Variants in C8A observed in about 807,000 individuals in gnomAD.
The protein encoded by C8A is complement C8 alpha chain.
A neutral mutation model predicts 65.3 loss-of-function variants in C8A; 67 were observed. The observed-to-expected ratio is 1.03, with a 90% confidence interval of 0.84 to 1.26. The LOEUF (loss-of-function observed/expected upper bound fraction) is 1.26. Among genes scored for constraint, C8A ranks in the 50% most tolerant of loss-of-function variants. The pLI is 0.00. For synonymous variants in C8A, 290 were observed against 259.4 expected (o/e 1.12, Z -1.13); for missense variants, 781 against 723.9 (o/e 1.08, Z -0.90).
intron 7 of C8A, among the ~76,000 whole-genome samples, chr1:56,893,482 C>T (rs909655583): frequency 2.0e-5 from 3 of 152,088 alleles, no homozygotes; most frequent in Non-Finnish European, 2.9e-5. Flanking sequence ...TTTCTCTGAT[C>T]CTCAGTTTCT....
chr1:56,907,840 G>T, intron 8 of C8A, 116 bp from the exon 9 acceptor site: 1 of 1,235,262 alleles, frequency 8.1e-7, no homozygotes, highest in Non-Finnish European at 1.2e-6. Flanking sequence ...AAGAAGAATG[G>T]TAAACATCTA....
chr1:56,873,979 C>T (rs115759176), intron 2 of C8A, among the ~76,000 whole-genome samples: 23 of 152,106 alleles, frequency 1.5e-4, no homozygotes, highest in South Asian at 6.2e-4. Context: ...CCAAGATTGG[C>T]GTGCATTTTA....
chr1:56,896,000 TA>T (rs1644384725), intron 7 of C8A, among the ~76,000 whole-genome samples: 1 of 152,114 alleles, frequency 6.6e-6, no homozygotes, highest in Non-Finnish European at 1.5e-5. Flanking sequence ...GATCATGATG[TA>T]AAATGTATTT....
At chr1:56,913,278 G>A (rs1484676157) in intron 10 of C8A, among the ~76,000 whole-genome samples, 1 of 152,176 alleles carries the variant, frequency 6.6e-6, no homozygotes, top group African/African-American at 2.4e-5. Context: ...CATGTTCACA[G>A]GTAACAAGGG....
rs17300936 is a variant in C8A at position 56,917,685 on chromosome 1, C to T, written c.1724C>T (p.Pro575Leu). The T allele has an allele frequency of 0.11, 184,170 of 1,614,016 alleles. 11,552 individuals are homozygous for T. Among genetic ancestry groups the T allele is most frequent in the Non-Finnish European group, 0.13 (152,765 of 1,179,946 alleles). The change falls in exon 11 of 11, where the codon CCA (proline) becomes CTA (leucine). Residue 575 changes from proline to leucine, a missense_variant. By Grantham distance (98) the Pro-to-Leu change is moderately conservative (BLOSUM62 -3). Coordinates refer to ENST00000361249, the MANE Select transcript of C8A (RefSeq NM_000562.3). ...PAPQNGGASC[P>L]GRKVQTQAC ...CCTCAGAATGGAGGGGCCTCGTGTC[C>T]AGGGCGGAAAGTACAGACGCAGGCT...
intron 6 of C8A, among the ~76,000 whole-genome samples, chr1:56,884,599 G>A (rs1363087268): frequency 6.6e-6 from 1 of 152,028 alleles, no homozygotes; most frequent in Non-Finnish European, 1.5e-5. Context: ...ATTGTTCAAG[G>A]GTTATCTGTA....
chr1:56,881,746 C>A, intron 5 of C8A, 112 bp downstream of exon 5: 1 of 1,053,422 alleles, frequency 9.5e-7, no homozygotes, highest in Non-Finnish European at 1.4e-6. Context: ...ATAAAGTTTG[C>A]TGGTGTCTGA....
intron 2 of C8A, among the ~76,000 whole-genome samples, chr1:56,869,599 C>T (rs1369579644): frequency 2.0e-5 from 3 of 152,102 alleles, no homozygotes; most frequent in Non-Finnish European, 4.4e-5. Context: ...CACTGTTTTC[C>T]ATAATGGTTG....
At chr1:56,857,875 A>G (rs1323438611) in intron 1 of C8A, among the ~76,000 whole-genome samples, 1 of 152,092 alleles carries the variant, frequency 6.6e-6, no homozygotes, top group East Asian at 1.9e-4. Context: ...GTCCAATTAC[A>G]GAGATGCTAG....
intron 10 of C8A, among the ~76,000 whole-genome samples, chr1:56,915,608 A>T (rs1336537874): frequency 6.6e-6 from 1 of 152,208 alleles, no homozygotes. Flanking sequence ...CCTTATTAGT[A>T]ACAGCCGTTA....
chr1:56,865,623 T>C (rs1403528469), intron 1 of C8A, among the ~76,000 whole-genome samples: 4 of 152,156 alleles, frequency 2.6e-5, no homozygotes, highest in Admixed American at 6.5e-5. Context: ...TTTTTCTTGA[T>C]GAAAAAACTA....
chr1:56,912,674 G>A, intron 10 of C8A, 49 bp downstream of exon 10: 1 of 1,568,854 alleles, frequency 6.4e-7, no homozygotes, highest in Non-Finnish European at 8.8e-7. Context: ...CAGCTCAAAG[G>A]GGCCAGTGCA....
rs773385599 is a variant in C8A, at chr1:56,867,581, T to G, written c.78-28T>G. 21 of 1,546,576 alleles carry G rather than the reference T, an allele frequency of 1.4e-5. No homozygotes were observed. The South Asian group carries it at 2.3e-4, about 17-fold the overall frequency. On this transcript the variant is annotated intron_variant, in intron 1 of 10. Transcript: ENST00000361249. ...TTTGCTTAAATTTTGCATCTCAAAATTGATGCATGGATCTTCCCTTTCTTT... is the reference window on the plus strand; with the variant it reads ...TTTGCTTAAATTTTGCATCTCAAAAGTGATGCATGGATCTTCCCTTTCTTT...
rs138594293 is a variant in C8A, at chr1:56,868,738, A to C, written c.171+1036A>C. On this transcript the variant is annotated intron_variant, in intron 2 of 10. Transcript: ENST00000361249. Reference sequence around the variant, plus strand: ...TGCTCCCTTCCCCACTCGGCATACCACTCACTGCCTGAACCTTGTCTATTA... The same window carrying C: ...TGCTCCCTTCCCCACTCGGCATACCCCTCACTGCCTGAACCTTGTCTATTA... Among the ~76,000 whole-genome samples the C allele has an allele frequency of 4.8e-3, 727 of 152,192 alleles. 4 individuals are homozygous for C. The highest frequency in any genetic ancestry group is 0.017 in the African/African-American group (693 of 41,522).
intron 1 of C8A, among the ~76,000 whole-genome samples, chr1:56,858,680 G>T (rs1000328755): frequency 1.3e-5 from 2 of 152,210 alleles, no homozygotes; most frequent in Non-Finnish European, 2.9e-5. Context: ...ACTGAAAATT[G>T]ATATGTATTC....
chr1:56,861,570 A>T (rs543768287), intron 1 of C8A, among the ~76,000 whole-genome samples: 4 of 152,302 alleles, frequency 2.6e-5, no homozygotes, highest in African/African-American at 9.6e-5. Flanking sequence ...AAGTTTCAAC[A>T]TGAGTTTGTT....
At chr1:56,910,546 A>G (rs943772923) in intron 9 of C8A, among the ~76,000 whole-genome samples, 2 of 152,210 alleles carry the variant, frequency 1.3e-5, no homozygotes, top group Non-Finnish European at 2.9e-5. Context: ...AAATTGCTCA[A>G]TGGTCCTGGC....
chr1:56,887,289 A>G (rs1030196005), intron 7 of C8A, among the ~76,000 whole-genome samples: 10 of 152,166 alleles, frequency 6.6e-5, no homozygotes, highest in Non-Finnish European at 1.3e-4. Flanking sequence ...ACTATTTTCC[A>G]CAATGGCTAA....
chr1:56,891,509 A>G (rs184965857), intron 7 of C8A, among the ~76,000 whole-genome samples: 1 of 152,286 alleles, frequency 6.6e-6, no homozygotes, highest in East Asian at 1.9e-4. Context: ...AACACAGATT[A>G]GAGGAGCAGG....
Sources: allele counts gnomAD v4.1 joint callset (sites outside exome capture counted in the v4.1 genomes callset), GRCh38; gene constraint gnomAD v4.1.1; transcripts MANE v1.5; gene names NCBI Gene and HGNC (gene_info 2026-07-23, HGNC 2026-07-21).